TBC1D13: variants seen among roughly 807,000 people sequenced by gnomAD.
TBC1D13 encodes TBC1 domain family member 13.
A neutral mutation model predicts 53.6 loss-of-function variants in TBC1D13; 40 were observed. That is an observed-to-expected ratio of 0.75 (90% CI 0.58 to 0.97). The LOEUF (loss-of-function observed/expected upper bound fraction) is 0.97, where lower values mean the gene tolerates loss of function less well. Ranked by LOEUF, TBC1D13 falls within the 50% of genes least tolerant of loss-of-function variation. The pLI is 0.00. For synonymous variants in TBC1D13, 182 were observed against 197.7 expected (o/e 0.92, Z 0.67); for missense variants, 377 against 499.4 (o/e 0.75, Z 2.34).
At chr9:128,787,446 G>A in intron 1 of TBC1D13, 70 bp downstream of exon 1, 1 of 1,242,648 alleles carries the variant, frequency 8.0e-7, no homozygotes, top group Non-Finnish European at 1.0e-6. Context: ...CCCTCAGAAG[G>A]GGGAAGCGCG....
At chr9:128,794,810 C>T (rs1348869724) in intron 6 of TBC1D13, among the ~76,000 whole-genome samples, 2 of 151,542 alleles carry the variant, frequency 1.3e-5, no homozygotes, top group Non-Finnish European at 2.9e-5. Flanking sequence ...TCCTTTGGTG[C>T]TTCTAGAAGC....
At chr9:128,797,522 G>A (rs887916770) in intron 7 of TBC1D13, among the ~76,000 whole-genome samples, 2 of 152,330 alleles carry the variant, frequency 1.3e-5, no homozygotes, top group Non-Finnish European at 2.9e-5. Context: ...ATGTGATAGG[G>A]CTGGGCACAG....
chr9:128,796,725 G>A (rs1306114945), intron 6 of TBC1D13, among the ~76,000 whole-genome samples: 1 of 151,864 alleles, frequency 6.6e-6, no homozygotes, highest in Non-Finnish European at 1.5e-5. Context: ...GGATCACGAG[G>A]TCAGGAGATC....
At chr9:128,799,467 T>C (rs954031986) in intron 7 of TBC1D13, among the ~76,000 whole-genome samples, 1 of 152,194 alleles carries the variant, frequency 6.6e-6, no homozygotes, top group African/African-American at 2.4e-5. Flanking sequence ...AATGAGGTCA[T>C]GGCTGTGCAG....
intron 1 of TBC1D13, among the ~76,000 whole-genome samples, chr9:128,787,678 G>T (rs1029777876): frequency 8.6e-6 from 1 of 116,678 alleles, no homozygotes; most frequent in Non-Finnish European, 1.6e-5. Context: ...TCCCCCTTTT[G>T]ATCCCCCTGC....
At chr9:128,797,322 G>C in intron 7 of TBC1D13, 108 bp downstream of exon 7, 1 of 1,208,714 alleles carries the variant, frequency 8.3e-7, no homozygotes, top group South Asian at 1.4e-5. Flanking sequence ...CTGCTTGACA[G>C]TTACTCAGCG....
chr9:128,804,173 G>A, intron 9 of TBC1D13, 54 bp downstream of exon 9: 2 of 1,589,584 alleles, frequency 1.3e-6, no homozygotes, highest in Non-Finnish European at 1.7e-6. Flanking sequence ...GAGAGTTGCT[G>A]TGCCATCCCA....
chr9:128,797,540 C>T (rs747287705), intron 7 of TBC1D13, among the ~76,000 whole-genome samples: 1 of 152,112 alleles, frequency 6.6e-6, no homozygotes. Flanking sequence ...CAGTGGTTCA[C>T]GCCTGTAATC....
intron 7 of TBC1D13, among the ~76,000 whole-genome samples, chr9:128,802,332 A>G (rs1269608652): frequency 6.6e-6 from 1 of 152,198 alleles, no homozygotes; most frequent in East Asian, 1.9e-4. Context: ...TGCTGGGATT[A>G]CAGGTATGAA....
intron 7 of TBC1D13, among the ~76,000 whole-genome samples, chr9:128,799,481 C>A (rs763019583): frequency 6.6e-6 from 1 of 152,142 alleles, no homozygotes; most frequent in African/African-American, 2.4e-5. Context: ...TGTGCAGATT[C>A]TTCAAAAGCA....
At chr9:128,790,082 C>A (rs544061851) in intron 2 of TBC1D13, 1 of 151,152 alleles carries the variant, frequency 6.6e-6, no homozygotes, top group African/African-American at 2.4e-5. Context: ...TATGGTGAAA[C>A]CCTGTCTCTA....
intron 11 of TBC1D13, among the ~76,000 whole-genome samples, chr9:128,807,506 G>A (rs1829858589): frequency 6.6e-6 from 1 of 152,208 alleles, no homozygotes; most frequent in African/African-American, 2.4e-5. Context: ...AGTCCTACTG[G>A]CTCCACACGA....
At position 128,797,117 on chromosome 9, in the gene TBC1D13, T is replaced by C. The variant is rs748217465; in HGVS notation, c.446T>C (p.Leu149Pro). Residue 149 changes from leucine (L) to proline (P), a missense_variant, in exon 7 of 12, where the codon CTG becomes CCG. Physicochemically the swap from Leu to Pro is moderately conservative, Grantham distance 98. Coordinates refer to ENST00000372648, the MANE Select transcript of TBC1D13 (RefSeq NM_018201.5). ...ACTGACTACCCTTGCCTCCTCATCC[T>C]GGACCCCCAGAATGAGTTTGAAACC... ...RATDYPCLLILDPQNEFETLR... is the reference protein window; with the variant it reads ...RATDYPCLLIPDPQNEFETLR... 5.6e-6 allele frequency: 9 copies of C among 1,614,000 alleles called. No homozygotes were observed. The African/African-American group carries it at 1.1e-4, about 19-fold the overall frequency.
In TBC1D13 at chr9:128,787,348, A is replaced by G; in HGVS notation, c.-6A>G. 1 of 1,261,816 alleles carries G rather than the reference A, an allele frequency of 7.9e-7. No individual in the cohort carries two copies. Among genetic ancestry groups the G allele is most frequent in the Non-Finnish European group, 1.0e-6 (1 of 996,994 alleles). The allele number at this position is 1,261,816 out of a possible 1,614,324, so 78.2% of individuals were successfully genotyped here. A position where few individuals can be genotyped will look rare whatever the true frequency, so the allele number is the denominator to read the frequency against. On this transcript the variant is annotated 5_prime_UTR_variant, in exon 1 of 12. Coordinates refer to ENST00000372648, the MANE Select transcript of TBC1D13 (RefSeq NM_018201.5). ...GAGGCGGCTGGGGGGTCCGGAAGTC[A>G]ACACCATGTCAAGTCTGCACAAGAG...
Position 128,804,020 on chromosome 9 carries a change from T to C in TBC1D13, c.819T>C (p.Phe273=). ...TCATGGCCGAGATCCGGGACAACTT[T>C]ATCAAGAGCCTGGATGACTCGCAGT... The part of the protein sequence containing the change: ...TNLMAEIRDN[F]IKSLDDSQCG... Residue 273 remains phenylalanine, a synonymous_variant, in exon 9 of 12, where the codon TTT becomes TTC. Coordinates refer to ENST00000372648, the MANE Select transcript of TBC1D13 (RefSeq NM_018201.5). 4 of 1,614,050 alleles carry C rather than the reference T, an allele frequency of 2.5e-6. No homozygotes were observed. Among genetic ancestry groups the C allele is most frequent in the Non-Finnish European group, 3.4e-6 (4 of 1,180,018 alleles).
chr9:128,799,598 G>A (rs546787891), intron 7 of TBC1D13, among the ~76,000 whole-genome samples: 8 of 152,200 alleles, frequency 5.3e-5, no homozygotes, highest in African/African-American at 1.7e-4. Context: ...CCTAATGTTA[G>A]ACATTTAAGG....
Position 128,788,274 on chromosome 9 carries a change from T to G in TBC1D13, c.24-60T>G. The G allele has an allele frequency of 4.7e-6, 7 of 1,479,470 alleles. No individual in the cohort carries two copies. The South Asian group carries it at 7.9e-5, about 17-fold the overall frequency. The allele number at this position is 1,479,470 out of a possible 1,614,324, so 91.6% of individuals were successfully genotyped here. On this transcript the variant is annotated intron_variant, in intron 1 of 11. Transcript: ENST00000372648. ...CTGGCAGTGTGAGGGAGCTGAGGGC[T>G]GTGGGTCTCACTGAGCCGATATCAG...
At chr9:128,800,438 T>G (rs1164320435) in intron 7 of TBC1D13, among the ~76,000 whole-genome samples, 1 of 142,830 alleles carries the variant, frequency 7.0e-6, no homozygotes, top group Non-Finnish European at 1.5e-5. Flanking sequence ...TGGCACAATC[T>G]TGGCGCTCTG....
chr9:128,806,147 T>C (rs1012258178), intron 10 of TBC1D13, 107 bp from the exon 11 acceptor site: 107 of 1,595,790 alleles, frequency 6.7e-5, no homozygotes, highest in South Asian at 4.2e-4. Flanking sequence ...TCTGGAGTCC[T>C]TGGGAGGGCG....
Sources: allele counts gnomAD v4.1 joint callset (sites outside exome capture counted in the v4.1 genomes callset), GRCh38; gene constraint gnomAD v4.1.1; transcripts MANE v1.5; gene names NCBI Gene and HGNC (gene_info 2026-07-23, HGNC 2026-07-21).